The following GAS2L3 variants were observed in gnomAD, a reference collection of about 807,000 sequenced individuals.
The protein encoded by GAS2L3 is growth arrest specific 2 like 3.
A neutral mutation model predicts 37.0 loss-of-function variants in GAS2L3; 28 were observed. The observed-to-expected ratio is 0.76, with a 90% CI of 0.56 to 1.04. GAS2L3 has a LOEUF of 1.04. Ranked by LOEUF, GAS2L3 falls within the 50% of genes least tolerant of loss-of-function variation. The probability of loss-of-function intolerance (pLI) is 0.00; values close to 1 mark genes in which losing one functional copy is unlikely to be tolerated. For missense variants in GAS2L3, 793 were observed against 817.6 expected (o/e 0.97, Z 0.37); for synonymous variants, 290 against 296.6 (o/e 0.98, Z 0.23).
At chr12:100,594,800 T>A (rs1955889676) in intron 2 of GAS2L3, 75 bp from the exon 3 acceptor site, 1 of 464,150 alleles carries the variant, frequency 2.2e-6, no homozygotes. Flanking sequence ...TTCCTAAATC[T>A]TGTAATTTGG....
Position 100,594,877 on chromosome 12 carries a change from A to G in GAS2L3, c.-28A>G, listed in dbSNP as rs1221449973. 4.7e-6 allele frequency: 6 copies of G among 1,279,352 alleles called. No homozygotes were observed. The Admixed American group carries it at 7.9e-5, about 17-fold the overall frequency. The allele number at this position is 1,279,352 out of a possible 1,614,324, so 79.3% of individuals were successfully genotyped here. On this transcript the variant is annotated splice_region_variant and 5_prime_UTR_variant, in exon 3 of 10. Coordinates refer to ENST00000547754, the MANE Select transcript of GAS2L3 (RefSeq NM_174942.3). ...TTAATATTTTGTTCTTTTTTCAGAA[A>G]AGAAATTTCATTTCAATATAGGTGA...
intron 6 of GAS2L3, 147 bp downstream of exon 6, chr12:100,612,288 A>G: frequency 1.5e-6 from 1 of 659,428 alleles, no homozygotes; most frequent in Non-Finnish European, 2.6e-6. Context: ...ATGTAGAATT[A>G]TTGGAGAATC....
intron 1 of GAS2L3, chr12:100,579,990 A>G: frequency 1.0e-6 from 1 of 986,290 alleles, no homozygotes; most frequent in South Asian, 1.3e-5. Flanking sequence ...GGACAGACTT[A>G]TTTCTCACAG....
In GAS2L3 at chr12:100,622,217, A is replaced by G. The variant is rs191400739; in HGVS notation, c.649-58A>G. On this transcript the variant is annotated intron_variant, in intron 8 of 9. Transcript: ENST00000547754. ...TTCCTTAGCTATCAAATAATATTAC[A>G]CTTTAAACAAAATGCTTTTTGTGAC... The G allele has an allele frequency of 6.8e-4, 639 of 945,132 alleles. 9 individuals carry two copies. The East Asian group carries it at 0.012, about 17-fold the overall frequency. 58.5% of individuals were successfully genotyped at this position (945,132 alleles called of 1,614,324 possible).
intron 5 of GAS2L3, among the ~76,000 whole-genome samples, chr12:100,609,149 C>G (rs992003794): frequency 6.6e-6 from 1 of 152,180 alleles, no homozygotes; most frequent in South Asian, 2.1e-4. Context: ...GCTTGGTGCT[C>G]TACTCTACTG....
intron 3 of GAS2L3, among the ~76,000 whole-genome samples, chr12:100,599,022 C>T (rs1955949896): frequency 6.6e-6 from 1 of 152,052 alleles, no homozygotes; most frequent in Non-Finnish European, 1.5e-5. Context: ...TGTTAGATGC[C>T]CTCTTTATCC....
rs573041429 is a variant in GAS2L3, at chr12:100,601,767, C to A, written c.303+14C>A. ...GAAGAATCAGGGGTAAGTAAATGTT[C>A]GACAGTATTGATTTTATGTCTTGGT... is the stretch of plus-strand genomic sequence containing the variant. On this transcript the variant is annotated intron_variant, in intron 5 of 9. Transcript: ENST00000547754. 6 of 1,328,488 alleles carry A rather than the reference C, an allele frequency of 4.5e-6. No individual in the cohort carries two copies. Among genetic ancestry groups the A allele is most frequent in the South Asian group, 3.7e-5 (3 of 80,334 alleles). The allele number at this position is 1,328,488 out of a possible 1,614,324, so 82.3% of individuals were successfully genotyped here.
intron 1 of GAS2L3, among the ~76,000 whole-genome samples, chr12:100,581,455 T>C (rs560943639): frequency 6.6e-6 from 1 of 152,312 alleles, no homozygotes; most frequent in African/African-American, 2.4e-5. Context: ...GAGGCACTTG[T>C]GGGTGCACTA....
At chr12:100,605,140 T>C (rs1279135978) in intron 5 of GAS2L3, among the ~76,000 whole-genome samples, 1 of 152,080 alleles carries the variant, frequency 6.6e-6, no homozygotes, top group Non-Finnish European at 1.5e-5. Context: ...CTCTTCTGTT[T>C]TTCAGAATAG....
In GAS2L3 at chr12:100,623,973, G is replaced by A. The variant is rs143544486; in HGVS notation, c.1168G>A (p.Gly390Ser). Residue 390 changes from glycine to serine, a missense_variant, in exon 10 of 10, where the codon GGC becomes AGC. Physicochemically the swap from Gly to Ser is moderately conservative, Grantham distance 56. Coordinates refer to ENST00000547754, the MANE Select transcript of GAS2L3 (RefSeq NM_174942.3). ...SSHPKLKSSKGITKKPQAPSN... is the reference protein window; with the variant it reads ...SSHPKLKSSKSITKKPQAPSN... ...TCATCCCAAGCTCAAGTCTTCAAAA[G>A]GCATAACGAAGAAACCGCAGGCTCC... The A allele has an allele frequency of 8.1e-6, 13 of 1,613,662 alleles. No homozygotes were observed. The highest frequency in any genetic ancestry group is 3.3e-5 in the Admixed American group (2 of 59,966).
intron 1 of GAS2L3, among the ~76,000 whole-genome samples, chr12:100,577,757 G>A (rs1275693587): frequency 6.6e-6 from 1 of 152,168 alleles, no homozygotes; most frequent in Non-Finnish European, 1.5e-5. Context: ...CCTAAATTGG[G>A]GAGATGATTC....
chr12:100,595,470 A>T (rs1331289735), intron 3 of GAS2L3, among the ~76,000 whole-genome samples: 1 of 150,246 alleles, frequency 6.7e-6, no homozygotes. Context: ...GAATAGCCTT[A>T]TATCTGAATG....
At chr12:100,613,175 T>A (rs74672071) in intron 6 of GAS2L3, among the ~76,000 whole-genome samples, 2,873 of 152,304 alleles carry the variant, frequency 0.019, 76 homozygotes, top group African/African-American at 0.06. Context: ...TAGTTTCTAG[T>A]TTATTATTTC....
chr12:100,612,809 G>A (rs1035141890), intron 6 of GAS2L3, among the ~76,000 whole-genome samples: 7 of 152,090 alleles, frequency 4.6e-5, no homozygotes, highest in African/African-American at 1.2e-4. Flanking sequence ...AGTGTACCAA[G>A]GGCAGGGCTG....
intron 1 of GAS2L3, among the ~76,000 whole-genome samples, chr12:100,578,400 G>C (rs572287461): frequency 1.9e-4 from 29 of 152,306 alleles, no homozygotes; most frequent in African/African-American, 6.7e-4. Flanking sequence ...TACAAAGGCA[G>C]GACCATTTGA....
chr12:100,624,049 A>G lies in GAS2L3; in HGVS notation c.1244A>G (p.Asn415Ser). 1 of 1,614,012 alleles carries G rather than the reference A, an allele frequency of 6.2e-7. No individual in the cohort carries two copies. Among genetic ancestry groups the G allele is most frequent in the Non-Finnish European group, 8.5e-7 (1 of 1,179,998 alleles). ...GCTTCATTAAATCCAGTAGGTAAAA[A>G]CACTTCTTCACCAGCTTTACCAAGA... ...SLASLNPVGK[N>S]TSSPALPRTA... The change falls in exon 10 of 10, where the codon AAC becomes AGC. Residue 415 changes from asparagine to serine, a missense_variant. Physicochemically the swap from Asn to Ser is conservative, Grantham distance 46. Transcript: ENST00000547754.
chr12:100,595,765 T>A lies in GAS2L3; in HGVS notation c.18+843T>A, dbSNP rs376057063. 4.6e-5 allele frequency among the ~76,000 whole-genome samples: 7 copies of A among 152,112 alleles called. No homozygotes were observed. The East Asian group carries it at 1.4e-3, about 29-fold the overall frequency. ...ACCTCTATGGTGAGGATAATAGTGA[T>A]TAACTTGAGGGTAGTTTTGAGGAAT... On this transcript the variant is annotated intron_variant, in intron 3 of 9. Coordinates refer to ENST00000547754, the MANE Select transcript of GAS2L3 (RefSeq NM_174942.3).
chr12:100,579,134 T>G, intron 1 of GAS2L3: 1 of 697,492 alleles, frequency 1.4e-6, no homozygotes. Flanking sequence ...ACATAGTTCA[T>G]TTTCTGCCAT....
Position 100,611,913 on chromosome 12 carries a change from T to C in GAS2L3, c.304-87T>C, listed in dbSNP as rs1394793094. Reference sequence around the variant, plus strand: ...GTACTTTTTGGTTACAGGTGATGGATTGAACATTTATTTAGCAATATCAAA... The same window carrying C: ...GTACTTTTTGGTTACAGGTGATGGACTGAACATTTATTTAGCAATATCAAA... On this transcript the variant is annotated intron_variant, in intron 5 of 9. Transcript: ENST00000547754. 1.1e-5 allele frequency: 10 copies of C among 875,174 alleles called. No homozygotes were observed. In the Admixed American group the frequency reaches 1.9e-4, roughly 16 times the overall value. 54.2% of individuals were successfully genotyped at this position (875,174 alleles called of 1,614,324 possible). A position where few individuals can be genotyped will look rare whatever the true frequency, so the allele number is the denominator to read the frequency against.
Sources: gnomAD v4.1 joint callset for allele counts (sites outside exome capture counted in the v4.1 genomes callset) on GRCh38, gnomAD v4.1.1 for gene constraint, MANE v1.5 for transcripts, NCBI Gene and HGNC (gene_info 2026-07-23, HGNC 2026-07-21) for gene names.